Variants in LRP1B observed in about 807,000 individuals in gnomAD.
The protein encoded by LRP1B is LDL receptor related protein 1B.
Under a neutral mutation model 556.6 loss-of-function variants are expected in LRP1B, and 217 were observed. The ratio of observed to expected loss-of-function variants is 0.39; its 90% CI spans 0.35 to 0.44. The LOEUF is 0.44. Among genes scored for constraint, LRP1B ranks in the 20% least tolerant of loss-of-function variants. The pLI is 1.00. For synonymous variants in LRP1B, 2,047 were observed against 1,865.8 expected (o/e 1.10, Z -2.50); for missense variants, 5,053 against 5,620.8 (o/e 0.90, Z 3.23).
At chr2:141,022,265 A>G (rs1048198616) in intron 11 of LRP1B, among the ~76,000 whole-genome samples, 5 of 151,148 alleles carry the variant, frequency 3.3e-5, no homozygotes, top group Non-Finnish European at 7.4e-5. Flanking sequence ...ATTATTTTTT[A>G]AGGTTGTTTT....
chr2:141,449,538 C>T (rs1681331202), intron 3 of LRP1B, among the ~76,000 whole-genome samples: 1 of 152,092 alleles, frequency 6.6e-6, no homozygotes, highest in Admixed American at 6.5e-5. Flanking sequence ...CCTAACTCTA[C>T]TTTGCCGTCC....
At chr2:141,173,068 A>C (rs63386361) in intron 7 of LRP1B, among the ~76,000 whole-genome samples, 5 of 144,838 alleles carry the variant, frequency 3.5e-5, no homozygotes, top group Non-Finnish European at 3.1e-5. Flanking sequence ...AAAAAAAAAA[A>C]CCCACACACT....
intron 41 of LRP1B, among the ~76,000 whole-genome samples, chr2:140,662,461 C>G (rs1381114882): frequency 2.0e-5 from 3 of 151,934 alleles, no homozygotes; most frequent in Middle Eastern, 3.4e-3. Context: ...AGAAGTGAAG[C>G]AATTAAATTA....
chr2:140,489,603 C>A (rs1688616450), intron 57 of LRP1B, among the ~76,000 whole-genome samples: 1 of 152,042 alleles, frequency 6.6e-6, no homozygotes, highest in Non-Finnish European at 1.5e-5. Context: ...GTGTTCCAGG[C>A]AAGTTTGTAG....
At chr2:140,287,772 C>A (rs904454207) in intron 84 of LRP1B, among the ~76,000 whole-genome samples, 1 of 151,678 alleles carries the variant, frequency 6.6e-6, no homozygotes, top group Admixed American at 6.6e-5. Flanking sequence ...TGTGAAGCAA[C>A]CCCTGCTACA....
At chr2:141,784,235 G>T (rs947245261) in intron 2 of LRP1B, among the ~76,000 whole-genome samples, 8 of 151,944 alleles carry the variant, frequency 5.3e-5, no homozygotes, top group African/African-American at 1.7e-4. Flanking sequence ...ACATATACTG[G>T]TGGTAGAAAG....
intron 2 of LRP1B, among the ~76,000 whole-genome samples, chr2:141,774,958 T>C (rs1695014936): frequency 6.6e-6 from 1 of 152,220 alleles, no homozygotes; most frequent in Non-Finnish European, 1.5e-5. Flanking sequence ...TCCAATTCTT[T>C]ATCTCTCAAA....
chr2:140,863,962 G>C (rs1692873472), intron 27 of LRP1B, among the ~76,000 whole-genome samples: 1 of 151,626 alleles, frequency 6.6e-6, no homozygotes, highest in African/African-American at 2.4e-5. Flanking sequence ...ATTCCAAGAG[G>C]AATATATGTG....
chr2:141,329,675 T>C (rs1405625451), intron 3 of LRP1B, among the ~76,000 whole-genome samples: 1 of 115,836 alleles, frequency 8.6e-6, no homozygotes, highest in African/African-American at 3.3e-5. Context: ...ACTATCTCTC[T>C]CTCTATCTAT....
chr2:140,396,131 T>C (rs1178810347), intron 66 of LRP1B, among the ~76,000 whole-genome samples: 2 of 152,230 alleles, frequency 1.3e-5, no homozygotes, highest in African/African-American at 2.4e-5. Flanking sequence ...CTCGATAACA[T>C]AGAGGGATAG....
intron 32 of LRP1B, among the ~76,000 whole-genome samples, chr2:140,783,651 C>T (rs1689781209): frequency 6.6e-6 from 1 of 152,082 alleles, no homozygotes; most frequent in South Asian, 2.1e-4. Flanking sequence ...ATTTGTACTG[C>T]AGAAGCTCAG....
At chr2:140,605,716 C>G (rs553633956) in intron 41 of LRP1B, among the ~76,000 whole-genome samples, 1 of 150,800 alleles carries the variant, frequency 6.6e-6, no homozygotes, top group African/African-American at 2.4e-5. Context: ...TTGAGATTCG[C>G]CATAGTTTTT....
At chr2:141,700,509 T>C (rs1394392534) in intron 2 of LRP1B, among the ~76,000 whole-genome samples, 1 of 151,868 alleles carries the variant, frequency 6.6e-6, no homozygotes, top group Non-Finnish European at 1.5e-5. Flanking sequence ...AATTTTTACA[T>C]GTAACCCATA....
intron 68 of LRP1B, among the ~76,000 whole-genome samples, chr2:140,374,656 T>C (rs941391914): frequency 1.3e-5 from 2 of 152,112 alleles, no homozygotes; most frequent in African/African-American, 4.8e-5. Context: ...GCTGAGTGAA[T>C]TAATAAATTA....
chr2:141,453,666 C>A (rs930071988), intron 3 of LRP1B, among the ~76,000 whole-genome samples: 2 of 152,074 alleles, frequency 1.3e-5, no homozygotes, highest in Admixed American at 1.3e-4. Flanking sequence ...ACCTGTAATC[C>A]CAGCACTTTG....
chr2:141,956,710 C>T lies in LRP1B; in HGVS notation c.83-146309G>A, dbSNP rs1270004948. Reference sequence around the variant, plus strand: ...TGTGGGCAGATAAATATATAAATATCGAATTCAACTTTATGTCCCTCAAAG... The same window carrying T: ...TGTGGGCAGATAAATATATAAATATTGAATTCAACTTTATGTCCCTCAAAG... On this transcript the variant is annotated intron_variant, in intron 1 of 90. Coordinates refer to ENST00000389484, the MANE Select transcript of LRP1B (RefSeq NM_018557.3). 3.9e-5 allele frequency among the ~76,000 whole-genome samples: 6 copies of T among 152,090 alleles called. No individual in the cohort carries two copies. The East Asian group carries it at 5.8e-4, about 15-fold the overall frequency.
At chr2:141,086,072 G>A (rs1188991186) in intron 7 of LRP1B, among the ~76,000 whole-genome samples, 1 of 152,166 alleles carries the variant, frequency 6.6e-6, no homozygotes, top group Non-Finnish European at 1.5e-5. Context: ...AATTGGTGAC[G>A]TTAATTTTGA....
intron 1 of LRP1B, among the ~76,000 whole-genome samples, chr2:142,108,080 G>A (rs1431623902): frequency 6.6e-6 from 1 of 150,972 alleles, no homozygotes; most frequent in East Asian, 1.9e-4. Flanking sequence ...TAGGGCTACA[G>A]ATATATCTTA....
chr2:141,406,396 A>G (rs1356952447), intron 3 of LRP1B, among the ~76,000 whole-genome samples: 2 of 152,094 alleles, frequency 1.3e-5, no homozygotes, highest in African/African-American at 4.8e-5. Context: ...AACTGGGCCT[A>G]TCTCAGGCAA....
Sources: allele counts gnomAD v4.1 joint callset (sites outside exome capture counted in the v4.1 genomes callset), GRCh38; gene constraint gnomAD v4.1.1; transcripts MANE v1.5; gene names NCBI Gene and HGNC (gene_info 2026-07-23, HGNC 2026-07-21).